Variants in PSD3 observed in about 807,000 individuals in gnomAD.
PSD3 encodes PH and SEC7 domain-containing protein 3.
A neutral mutation model predicts 105.5 loss-of-function variants in PSD3; 49 were observed. That is an observed-to-expected ratio of 0.46 (90% CI 0.37 to 0.59). The LOEUF (loss-of-function observed/expected upper bound fraction) is 0.59. PSD3 is among the 20% of genes least tolerant of loss of function. The pLI is 0.00. For missense variants in PSD3, 1,561 were observed against 1,263.8 expected, an observed-to-expected ratio of 1.24 and a Z score of -3.57; for synonymous variants, 557 against 457.8, an observed-to-expected ratio of 1.22 and a Z score of -2.77.
At chr8:18,803,797 C>G (rs1314327733) in intron 6 of PSD3, among the ~76,000 whole-genome samples, 1 of 150,328 alleles carries the variant, frequency 6.7e-6, no homozygotes, top group Non-Finnish European at 1.5e-5. Context: ...AAAAAAAAGT[C>G]ATTGTTTAAC....
intron 2 of PSD3, among the ~76,000 whole-genome samples, chr8:18,922,796 T>C (rs1485632555): frequency 2.0e-5 from 3 of 152,174 alleles, no homozygotes; most frequent in Non-Finnish European, 4.4e-5. Context: ...GAACCACTTA[T>C]GTTTACCAAC....
chr8:18,585,005 T>C (rs1407181009), intron 12 of PSD3, among the ~76,000 whole-genome samples: 3 of 152,150 alleles, frequency 2.0e-5, no homozygotes, highest in Non-Finnish European at 4.4e-5. Context: ...ATATAATTAA[T>C]GTCTATGGGA....
At chr8:18,584,989 T>A (rs558490191) in intron 12 of PSD3, among the ~76,000 whole-genome samples, 2 of 152,160 alleles carry the variant, frequency 1.3e-5, no homozygotes, top group East Asian at 3.9e-4. Flanking sequence ...AGAAGTCATG[T>A]CATATATATA....
chr8:18,812,062 C>T (rs1297553603), intron 4 of PSD3, among the ~76,000 whole-genome samples: 1 of 152,154 alleles, frequency 6.6e-6, no homozygotes, highest in Non-Finnish European at 1.5e-5. Flanking sequence ...TCCTAAATCT[C>T]GGATCAGACT....
chr8:18,714,304 C>A (rs182423716), intron 9 of PSD3, among the ~76,000 whole-genome samples: 1 of 152,002 alleles, frequency 6.6e-6, no homozygotes. Context: ...TAAAGAGCTT[C>A]TTCACAGCAA....
chr8:18,634,608 T>C (rs879357052), intron 10 of PSD3, among the ~76,000 whole-genome samples: 2 of 152,142 alleles, frequency 1.3e-5, no homozygotes, highest in Non-Finnish European at 2.9e-5. Flanking sequence ...TCTGTAACAG[T>C]TCCTCAGTCT....
intron 1 of PSD3, among the ~76,000 whole-genome samples, chr8:18,963,224 C>T (rs1390648173): frequency 1.3e-5 from 2 of 152,126 alleles, no homozygotes; most frequent in Admixed American, 1.3e-4. Flanking sequence ...CCACCAGGTC[C>T]CTCCTACAAC....
intron 14 of PSD3, among the ~76,000 whole-genome samples, chr8:18,561,844 T>C (rs1036807926): frequency 1.3e-5 from 2 of 152,166 alleles, no homozygotes; most frequent in Non-Finnish European, 2.9e-5. Flanking sequence ...AACTTGGCTG[T>C]TGAAGATCTT....
intron 2 of PSD3, among the ~76,000 whole-genome samples, chr8:18,930,569 A>ATTT (rs5889836): frequency 1.3e-4 from 17 of 133,094 alleles, no homozygotes; most frequent in African/African-American, 4.4e-4. Context: ...AACTTTTTCA[A>ATTT]TTTTTTTTTT....
intron 1 of PSD3, among the ~76,000 whole-genome samples, chr8:18,969,363 A>G (rs183260964): frequency 6.6e-6 from 1 of 152,354 alleles, no homozygotes; most frequent in East Asian, 1.9e-4. Flanking sequence ...AGCCAGCAAT[A>G]AAATGACTAT....
chr8:18,749,864 G>A (rs1449075136), intron 9 of PSD3, among the ~76,000 whole-genome samples: 1 of 152,144 alleles, frequency 6.6e-6, no homozygotes. Context: ...AAGGGGGACC[G>A]CAGTCCTATG....
At chr8:18,816,482 T>A (rs1371970739) in intron 4 of PSD3, among the ~76,000 whole-genome samples, 1 of 152,246 alleles carries the variant, frequency 6.6e-6, no homozygotes, top group Non-Finnish European at 1.5e-5. Flanking sequence ...ACTGCACGCA[T>A]AACTTTGGTG....
intron 1 of PSD3, among the ~76,000 whole-genome samples, chr8:18,949,250 T>TATATATATATATATATATATATACAC (rs1563453768): frequency 1.7e-4 from 9 of 51,770 alleles, no homozygotes; most frequent in African/African-American, 7.4e-4. Flanking sequence ...AAAAAATATA[T>TATATATATATATATATATATATACAC]ATATATATAT....
rs186434817 is a variant in PSD3 at position 18,909,734 on chromosome 8, T to C, written c.130+26300A>G. ...CCTGACCTCAAGTGATCTGCCCACC[T>C]TGGCCTCCCAAAGTGCTGGGATTAC... is the stretch of plus-strand genomic sequence containing the variant. On this transcript the variant is annotated intron_variant, in intron 2 of 15. Coordinates refer to ENST00000327040, the MANE Select transcript of PSD3 (RefSeq NM_015310.4). 3.6e-3 allele frequency among the ~76,000 whole-genome samples: 549 copies of C among 152,330 alleles called. 2 individuals carry two copies. The highest frequency in any genetic ancestry group is 0.016 in the South Asian group (78 of 4,828).
intron 1 of PSD3, among the ~76,000 whole-genome samples, chr8:19,028,164 G>T (rs1827626502): frequency 6.6e-6 from 1 of 151,862 alleles, no homozygotes; most frequent in Non-Finnish European, 1.5e-5. Context: ...TAGTTTCTCT[G>T]GCATATCTTC....
intron 1 of PSD3, among the ~76,000 whole-genome samples, chr8:19,076,925 G>A (rs1405210440): frequency 6.6e-6 from 1 of 152,098 alleles, no homozygotes; most frequent in East Asian, 1.9e-4. Context: ...TTATGGGATG[G>A]ACTTTTGGGT....
chr8:18,595,161 C>G (rs1024948201), intron 12 of PSD3, among the ~76,000 whole-genome samples: 1 of 151,036 alleles, frequency 6.6e-6, no homozygotes, highest in African/African-American at 2.4e-5. Context: ...AAATCATTAT[C>G]AGCTTAAAAT....
chr8:18,758,696 T>C (rs184295169), intron 9 of PSD3, among the ~76,000 whole-genome samples: 1 of 152,276 alleles, frequency 6.6e-6, no homozygotes, highest in Admixed American at 6.5e-5. Flanking sequence ...GCTGATCTTT[T>C]GAGTCTGTTT....
intron 4 of PSD3, among the ~76,000 whole-genome samples, chr8:18,837,489 C>T (rs980217856): frequency 6.6e-6 from 1 of 152,180 alleles, no homozygotes; most frequent in African/African-American, 2.4e-5. Context: ...CTAAAAGAAA[C>T]TAATCATGCT....
Sources: gnomAD v4.1 joint callset for allele counts (sites outside exome capture counted in the v4.1 genomes callset) on GRCh38, gnomAD v4.1.1 for gene constraint, MANE v1.5 for transcripts, NCBI Gene and HGNC (gene_info 2026-07-23, HGNC 2026-07-21) for gene names.